WWC1: variants seen among roughly 807,000 people sequenced by gnomAD.
WWC1 encodes protein KIBRA.
WWC1 carries 55 observed loss-of-function variants against 138.4 expected under a neutral mutation model. The ratio of observed to expected loss-of-function variants is 0.40; its 90% CI spans 0.32 to 0.50. The LOEUF (loss-of-function observed/expected upper bound fraction) is 0.50. WWC1 is among the 20% of genes least tolerant of loss of function. The pLI is 0.72. For synonymous variants in WWC1, 524 were observed against 564.9 expected (o/e 0.93, Z 1.03); for missense variants, 1,226 against 1,420.4 (o/e 0.86, Z 2.20).
intron 17 of WWC1, among the ~76,000 whole-genome samples, chr5:168,450,346 A>AG (rs1327003112): frequency 6.6e-6 from 1 of 152,104 alleles, no homozygotes; most frequent in East Asian, 1.9e-4. Flanking sequence ...ATGGAAAAAA[A>AG]AAACTTGAAC....
intron 17 of WWC1, among the ~76,000 whole-genome samples, chr5:168,451,585 T>C (rs991742101): frequency 3.9e-5 from 6 of 152,014 alleles, no homozygotes; most frequent in African/African-American, 1.5e-4. Flanking sequence ...CCTGTAGTAC[T>C]AGCTACTTGG....
intron 8 of WWC1, among the ~76,000 whole-genome samples, chr5:168,410,990 A>AG (rs1373112876): frequency 7.4e-6 from 1 of 135,224 alleles, no homozygotes; most frequent in African/African-American, 2.9e-5. Flanking sequence ...GATGGAGTGC[A>AG]GTGGCGCGAT....
chr5:168,348,259 C>T (rs1438636867), intron 1 of WWC1, among the ~76,000 whole-genome samples: 2 of 152,196 alleles, frequency 1.3e-5, no homozygotes, highest in African/African-American at 4.8e-5. Flanking sequence ...GATGTGTGTG[C>T]ACGGGTGTGT....
chr5:168,349,736 T>C (rs1265275583), intron 1 of WWC1, among the ~76,000 whole-genome samples: 1 of 151,948 alleles, frequency 6.6e-6, no homozygotes. Flanking sequence ...GAAGGTAGAG[T>C]GGGGCTGGGA....
At chr5:168,438,803 A>C (rs1014266953) in intron 15 of WWC1, among the ~76,000 whole-genome samples, 2 of 152,144 alleles carry the variant, frequency 1.3e-5, no homozygotes, top group African/African-American at 4.8e-5. Flanking sequence ...GGGAAAAAAA[A>C]AACAGTAAAA....
At chr5:168,300,184 T>G in intron 1 of WWC1, among the ~76,000 whole-genome samples, 1 of 151,782 alleles carries the variant, frequency 6.6e-6, no homozygotes, top group South Asian at 2.1e-4. Flanking sequence ...CGTTTCAGAG[T>G]GAGATAAAGA....
intron 1 of WWC1, among the ~76,000 whole-genome samples, chr5:168,365,236 AG>A (rs1227386924): frequency 6.6e-6 from 1 of 152,182 alleles, no homozygotes; most frequent in Non-Finnish European, 1.5e-5. Context: ...GGGAAGAACC[AG>A]CCTGGCCATT....
At chr5:168,332,346 A>C (rs1178282388) in intron 1 of WWC1, among the ~76,000 whole-genome samples, 1 of 152,218 alleles carries the variant, frequency 6.6e-6, no homozygotes, top group African/African-American at 2.4e-5. Flanking sequence ...ATCTAAAAAA[A>C]GTCTGAGCTT....
intron 15 of WWC1, among the ~76,000 whole-genome samples, chr5:168,439,763 C>T (rs1037429062): frequency 1.3e-5 from 2 of 152,020 alleles, no homozygotes; most frequent in Admixed American, 6.6e-5. Context: ...GAGAATTATT[C>T]GGTCGAAGGG....
At chr5:168,465,631 A>G (rs1052232377) in intron 21 of WWC1, among the ~76,000 whole-genome samples, 2 of 125,554 alleles carry the variant, frequency 1.6e-5, no homozygotes, top group African/African-American at 6.3e-5. Context: ...ATGATGGCTC[A>G]CTGCAACCTC....
intron 20 of WWC1, among the ~76,000 whole-genome samples, chr5:168,461,109 A>G (rs1382052876): frequency 6.6e-6 from 1 of 152,146 alleles, no homozygotes; most frequent in Non-Finnish European, 1.5e-5. Context: ...TAGGAGGATC[A>G]CCTGAGGTCT....
intron 11 of WWC1, among the ~76,000 whole-genome samples, chr5:168,427,727 G>A (rs1448153160): frequency 6.6e-6 from 1 of 151,628 alleles, no homozygotes; most frequent in Admixed American, 6.6e-5. Context: ...GCCAAAGCAG[G>A]CAGATCGCCT....
intron 15 of WWC1, among the ~76,000 whole-genome samples, chr5:168,433,718 AGTAGAGGCGGG>A (rs765397780): frequency 1.3e-5 from 2 of 152,088 alleles, no homozygotes; most frequent in Non-Finnish European, 2.9e-5. Context: ...TTGTATTTTT[AGTAGAGGCGGG>A]GTTTTGCCAT....
At position 168,383,676 on chromosome 5, in the gene WWC1, T is replaced by C. The variant is rs78205113; in HGVS notation, c.230-1535T>C. Among the ~76,000 whole-genome samples the C allele has an allele frequency of 0.01, 1,567 of 152,282 alleles. 98 individuals are homozygous for C. In the East Asian group the frequency reaches 0.19, roughly 18 times the overall value. On this transcript the variant is annotated intron_variant, in intron 2 of 22. Coordinates refer to ENST00000265293, the MANE Select transcript of WWC1 (RefSeq NM_015238.3). ...TCAAGAAAAGCCATAAAACAGGATT[T>C]TAATGAAGATATCTCTCCATTTTTT...
intron 1 of WWC1, among the ~76,000 whole-genome samples, chr5:168,307,276 C>A (rs1561588949): frequency 6.6e-6 from 1 of 152,212 alleles, no homozygotes; most frequent in Non-Finnish European, 1.5e-5. Context: ...TGTCTGCCCC[C>A]ACAGATGCAT....
chr5:168,327,314 T>C (rs932286857), intron 1 of WWC1, among the ~76,000 whole-genome samples: 8 of 152,228 alleles, frequency 5.3e-5, no homozygotes, highest in Non-Finnish European at 7.3e-5. Flanking sequence ...TCCTGTGATA[T>C]GTATTTTGTA....
intron 21 of WWC1, among the ~76,000 whole-genome samples, chr5:168,467,362 T>A (rs955038625): frequency 2.6e-5 from 4 of 152,244 alleles, no homozygotes; most frequent in Non-Finnish European, 5.9e-5. Context: ...TGTCTGTGGT[T>A]TGTTCTCAAA....
intron 19 of WWC1, among the ~76,000 whole-genome samples, chr5:168,458,050 T>C (rs28648827): frequency 0.11 from 17,418 of 152,216 alleles, 1,800 homozygotes; most frequent in African/African-American, 0.27. Flanking sequence ...AAGGTTCTGC[T>C]ACTTTCAGCT....
intron 1 of WWC1, among the ~76,000 whole-genome samples, 162 bp from the exon 2 acceptor site, chr5:168,371,262 C>T (rs1776731432): frequency 6.6e-6 from 1 of 152,200 alleles, no homozygotes. Context: ...ATGTGTTCAC[C>T]TTCCCGGGAA....
Sources: allele counts gnomAD v4.1 joint callset (sites outside exome capture counted in the v4.1 genomes callset), GRCh38; gene constraint gnomAD v4.1.1; transcripts MANE v1.5; gene names NCBI Gene and HGNC (gene_info 2026-07-23, HGNC 2026-07-21).